The following CYTH3 variants were observed in gnomAD, a reference collection of about 807,000 sequenced individuals.
The protein encoded by CYTH3 is cytohesin 3, also known as cytohesin-3.
In CYTH3, 23 loss-of-function variants were observed where a neutral mutation model predicts 55.1. That is an observed-to-expected ratio of 0.42 (90% CI 0.30 to 0.59). The LOEUF (loss-of-function observed/expected upper bound fraction) is 0.59, where lower values mean the gene tolerates loss of function less well. CYTH3 is among the 20% of genes least tolerant of loss of function. The pLI is 0.20. For missense variants in CYTH3, 413 were observed against 524.8 expected, an observed-to-expected ratio of 0.79 and a Z score of 2.08; for synonymous variants, 249 against 194.9, an observed-to-expected ratio of 1.28 and a Z score of -2.31.
At chr7:6,264,952 A>G (rs1780449611) in intron 1 of CYTH3, among the ~76,000 whole-genome samples, 1 of 152,188 alleles carries the variant, frequency 6.6e-6, no homozygotes, top group South Asian at 2.1e-4. Flanking sequence ...GTGATTTTAG[A>G]TAGGTTGGTC....
intron 1 of CYTH3, among the ~76,000 whole-genome samples, chr7:6,253,429 G>A (rs895016158): frequency 6.6e-6 from 1 of 151,618 alleles, no homozygotes; most frequent in African/African-American, 2.4e-5. Flanking sequence ...GGCTGGTCTT[G>A]AACTCCTGGC....
At chr7:6,226,747 C>G (rs1033915911) in intron 1 of CYTH3, among the ~76,000 whole-genome samples, 3 of 152,074 alleles carry the variant, frequency 2.0e-5, no homozygotes, top group African/African-American at 4.8e-5. Context: ...AGAACCTGAG[C>G]AAGGAAGGAT....
intron 1 of CYTH3, among the ~76,000 whole-genome samples, chr7:6,259,796 T>TAATATATATATA (rs1406901025): frequency 9.2e-5 from 2 of 21,834 alleles, no homozygotes; most frequent in Admixed American, 7.6e-4. Flanking sequence ...TATATATATA[T>TAATATATATATA]ATATATATAT....
intron 1 of CYTH3, among the ~76,000 whole-genome samples, chr7:6,222,992 C>T (rs1484665523): frequency 6.6e-6 from 1 of 152,188 alleles, no homozygotes; most frequent in Non-Finnish European, 1.5e-5. Flanking sequence ...TTGCTGGCAG[C>T]CTTTACTGAC....
chr7:6,173,053 T>C, intron 6 of CYTH3: 8 of 1,067,750 alleles, frequency 7.5e-6, no homozygotes, highest in African/African-American at 5.1e-5. Context: ...CTGCCTCCTC[T>C]CCCCCGGATG....
intron 1 of CYTH3, among the ~76,000 whole-genome samples, chr7:6,239,312 T>C (rs1342934502): frequency 2.0e-5 from 3 of 152,150 alleles, no homozygotes; most frequent in African/African-American, 7.2e-5. Context: ...CCTTCCTTCC[T>C]AGTCTCTGCC....
intron 1 of CYTH3, among the ~76,000 whole-genome samples, chr7:6,266,339 T>C (rs914403129): frequency 6.6e-6 from 1 of 152,174 alleles, no homozygotes; most frequent in Admixed American, 6.5e-5. Context: ...ATGCCTCCAT[T>C]TTCCAATCTG....
intron 1 of CYTH3, among the ~76,000 whole-genome samples, chr7:6,266,790 A>G (rs1380191549): frequency 6.6e-6 from 1 of 152,158 alleles, no homozygotes; most frequent in Non-Finnish European, 1.5e-5. Context: ...CTAGCATAAT[A>G]CATGATTATT....
chr7:6,238,963 C>T (rs1779600289), intron 1 of CYTH3, among the ~76,000 whole-genome samples: 1 of 150,432 alleles, frequency 6.6e-6, no homozygotes, highest in Non-Finnish European at 1.5e-5. Context: ...CCTGTAATTC[C>T]AGCACTTTGG....
chr7:6,225,766 G>A (rs557265060), intron 1 of CYTH3, among the ~76,000 whole-genome samples: 14 of 150,882 alleles, frequency 9.3e-5, no homozygotes, highest in African/African-American at 2.9e-4. Context: ...TGCAACCTCC[G>A]CCTCCTGGGT....
chr7:6,262,869 T>C (rs536640216), intron 1 of CYTH3, among the ~76,000 whole-genome samples: 34 of 152,040 alleles, frequency 2.2e-4, no homozygotes, highest in African/African-American at 8.2e-4. Context: ...CAGTGAGCTA[T>C]GATGGCGTCA....
At chr7:6,239,847 C>A (rs902660245) in intron 1 of CYTH3, among the ~76,000 whole-genome samples, 7 of 152,134 alleles carry the variant, frequency 4.6e-5, no homozygotes, top group African/African-American at 1.4e-4. Context: ...AACTAACACA[C>A]TTGAATGGTA....
At chr7:6,271,351 G>A (rs1334809812) in intron 1 of CYTH3, among the ~76,000 whole-genome samples, 1 of 152,188 alleles carries the variant, frequency 6.6e-6, no homozygotes, top group East Asian at 1.9e-4. Flanking sequence ...TCATCCTGAA[G>A]CATTCAATAC....
chr7:6,212,150 T>C (rs1279653960), intron 1 of CYTH3, among the ~76,000 whole-genome samples: 1 of 152,146 alleles, frequency 6.6e-6, no homozygotes, highest in Non-Finnish European at 1.5e-5. Flanking sequence ...ACCATTTTTT[T>C]TGAAGCAAGG....
chr7:6,189,646 T>G (rs184999836), intron 2 of CYTH3, among the ~76,000 whole-genome samples: 93 of 152,180 alleles, frequency 6.1e-4, no homozygotes, highest in African/African-American at 2.2e-3. Context: ...GGTAGGCACT[T>G]GGTACACAGC....
At chr7:6,172,954 G>C (rs1783242078) in intron 6 of CYTH3, 2 of 1,147,738 alleles carry the variant, frequency 1.7e-6, no homozygotes, top group Non-Finnish European at 1.1e-6. Flanking sequence ...ACGAGAACAA[G>C]GTATGAAGCC....
intron 1 of CYTH3, among the ~76,000 whole-genome samples, chr7:6,215,493 G>A (rs1467928097): frequency 2.0e-5 from 3 of 151,880 alleles, no homozygotes; most frequent in Non-Finnish European, 4.4e-5. Context: ...GGGAGGCTGA[G>A]GCAGGAGAAT....
intron 5 of CYTH3, among the ~76,000 whole-genome samples, chr7:6,176,404 G>A (rs1783352540): frequency 6.6e-6 from 1 of 151,658 alleles, no homozygotes; most frequent in African/African-American, 2.4e-5. Flanking sequence ...TGAGAATACA[G>A]GCGCCCACCA....
At chr7:6,202,621 G>A (rs941158592) in intron 1 of CYTH3, among the ~76,000 whole-genome samples, 10 of 152,028 alleles carry the variant, frequency 6.6e-5, no homozygotes, top group Non-Finnish European at 1.5e-4. Flanking sequence ...GCGCCGCCAC[G>A]CCCAACTAAT....
Sources: gnomAD v4.1 joint callset for allele counts (sites outside exome capture counted in the v4.1 genomes callset) on GRCh38, gnomAD v4.1.1 for gene constraint, MANE v1.5 for transcripts, NCBI Gene and HGNC (gene_info 2026-07-23, HGNC 2026-07-21) for gene names.